Variants in RAD9B observed in about 807,000 individuals in gnomAD.
RAD9B encodes cell cycle checkpoint control protein RAD9B.
In RAD9B, 41 loss-of-function variants were observed where a neutral mutation model predicts 48.3. That is an observed-to-expected ratio of 0.85 (90% CI 0.66 to 1.10). RAD9B has a LOEUF of 1.10. RAD9B is among the 50% of genes least tolerant of loss of function. The pLI is 0.00. For missense variants in RAD9B, 444 were observed against 485.1 expected, an observed-to-expected ratio of 0.92 and a Z score of 0.80; for synonymous variants, 160 against 157.9, an observed-to-expected ratio of 1.01 and a Z score of -0.10.
intron 10 of RAD9B, among the ~76,000 whole-genome samples, chr12:110,528,459 A>G (rs2064014950): frequency 1.3e-5 from 2 of 152,166 alleles, no homozygotes; most frequent in Non-Finnish European, 2.9e-5. Flanking sequence ...GCCGCCCACC[A>G]TCTTCCTCCC....
intron 9 of RAD9B, among the ~76,000 whole-genome samples, chr12:110,521,816 A>C (rs1055084983): frequency 6.6e-6 from 1 of 152,056 alleles, no homozygotes; most frequent in African/African-American, 2.4e-5. Context: ...TTGACCTCCC[A>C]AAGTGTTGGG....
At chr12:110,503,745 G>T in intron 1 of RAD9B, 61 bp from the exon 2 acceptor site, 1 of 1,219,026 alleles carries the variant, frequency 8.2e-7, no homozygotes, top group East Asian at 2.4e-5. Context: ...AACTAGTCTT[G>T]TGATTTGTTT....
rs1019564896 is a variant in RAD9B at position 110,531,465 on chromosome 12, TAC to T, written c.*814_*815del. 12 of 764,484 alleles carry T rather than the reference TAC, an allele frequency of 1.6e-5. 1 individual carries two copies. The African/African-American group carries it at 1.8e-4, about 11-fold the overall frequency. The allele number at this position is 764,484 out of a possible 1,614,324, so 47.4% of individuals were successfully genotyped here. A position where few individuals can be genotyped will look rare whatever the true frequency, so the allele number is the denominator to read the frequency against. ...CCTCGGCCTCCCAAAGTGCTGGGAT[TAC>T]AGACTTGAGCCACTGCGCCCAACCT... On this transcript the variant is annotated 3_prime_UTR_variant, in exon 11 of 11. Transcript: ENST00000409300.
Position 110,519,892 on chromosome 12 carries a change from T to C in RAD9B, c.866T>C (p.Leu289Pro). ...AGTAGAGCATCTTCACCACAGTCAC[T>C]GTGTCTTTCACAGAAACGAAAAAGG... Reference protein sequence around the residue: ...EQSRASSPQSLCLSQKRKRSD... With the variant: ...EQSRASSPQSPCLSQKRKRSD... Residue 289 changes from leucine (L) to proline (P), a missense_variant, in exon 9 of 11, where the codon CTG becomes CCG. Leu to Pro is a moderately conservative substitution (Grantham distance 98, BLOSUM62 -3). Transcript: ENST00000409300. The C allele has an allele frequency of 6.2e-7, 1 of 1,612,418 alleles. No homozygotes were observed. The highest frequency in any genetic ancestry group is 8.5e-7 in the Non-Finnish European group (1 of 1,179,456).
intron 4 of RAD9B, chr12:110,508,219 G>A (rs76072197): frequency 0.02 from 3,400 of 169,320 alleles, 131 homozygotes; most frequent in African/African-American, 0.076. Context: ...TCCTTACTGT[G>A]AAGTGGAGAT....
rs779323828 is a variant in RAD9B, at chr12:110,531,539, G to A, written c.*886G>A. 3.5e-6 allele frequency: 5 copies of A among 1,423,834 alleles called. No homozygotes were observed. The African/African-American group carries it at 4.2e-5, about 12-fold the overall frequency. The allele number at this position is 1,423,834 out of a possible 1,614,324, so 88.2% of individuals were successfully genotyped here. On this transcript the variant is annotated 3_prime_UTR_variant, in exon 11 of 11. Transcript: ENST00000409300. ...AAATTTTATTTCCTAACCTCAAATT[G>A]TTCTGATTTTCAGATGTGATTTTTT...
intron 1 of RAD9B, chr12:110,503,245 C>CA (rs1407450734): frequency 1.9e-3 from 280 of 149,590 alleles, no homozygotes; most frequent in Non-Finnish European, 2.8e-3. Flanking sequence ...GACTCTGTCT[C>CA]AAAAAAAATA....
Position 110,531,076 on chromosome 12 carries a change from T to G in RAD9B, c.*423T>G. 3.0e-6 allele frequency: 3 copies of G among 997,590 alleles called. No homozygotes were observed. The highest frequency in any genetic ancestry group is 3.6e-6 in the Non-Finnish European group (3 of 838,168). The allele number at this position is 997,590 out of a possible 1,614,324, so 61.8% of individuals were successfully genotyped here. A position where few individuals can be genotyped will look rare whatever the true frequency, so the allele number is the denominator to read the frequency against. On this transcript the variant is annotated 3_prime_UTR_variant, in exon 11 of 11. Transcript: ENST00000409300. Reference sequence around the variant, plus strand: ...ATCTTTTGTATTTGATTGCAAACATTTGGATTTTAGTTTTCTCATGTAATA... The same window carrying G: ...ATCTTTTGTATTTGATTGCAAACATGTGGATTTTAGTTTTCTCATGTAATA...
At chr12:110,511,488 A>G (rs549514503) in intron 4 of RAD9B, 89 of 454,114 alleles carry the variant, frequency 2.0e-4, no homozygotes, top group South Asian at 1.3e-3. Context: ...TGGAAAGTCA[A>G]GTATTGCATG....
At chr12:110,524,670 G>A (rs1362562138) in intron 10 of RAD9B, among the ~76,000 whole-genome samples, 1 of 152,042 alleles carries the variant, frequency 6.6e-6, no homozygotes, top group East Asian at 1.9e-4. Context: ...GGGAGGCCGA[G>A]GTGGGCAGAT....
chr12:110,530,587 C>G lies in RAD9B; in HGVS notation c.1188C>G (p.Phe396Leu), dbSNP rs139010052. The G allele has an allele frequency of 6.2e-7, 1 of 1,613,832 alleles. No individual in the cohort carries two copies. ...AGCAAGAACACTTCAACCACCCTTT[C>G]GACAGTCTGGCAAGAGCAAGTGACA... The part of the protein sequence containing the change: ...SDQQEHFNHP[F>L]DSLARASDSE... Residue 396 changes from phenylalanine to leucine, a missense_variant, in exon 11 of 11, where the codon TTC becomes TTG. By Grantham distance (22) the Phe-to-Leu change is conservative (BLOSUM62 0). Coordinates refer to ENST00000409300, the MANE Select transcript of RAD9B (RefSeq NM_001286535.2).
rs886715438 is a variant in RAD9B at position 110,531,388 on chromosome 12, C to T, written c.*735C>T. The T allele has an allele frequency of 2.1e-5, 10 of 482,666 alleles. No homozygotes were observed. Among genetic ancestry groups the T allele is most frequent in the South Asian group, 2.3e-5 (1 of 44,438 alleles). The allele number at this position is 482,666 out of a possible 1,614,324, so 29.9% of individuals were successfully genotyped here. On this transcript the variant is annotated 3_prime_UTR_variant, in exon 11 of 11. Coordinates refer to ENST00000409300, the MANE Select transcript of RAD9B (RefSeq NM_001286535.2). ...CTGGTATTTTGTAGAGACAGGGTTT[C>T]GCCATGTTGGCCAGGGTGGTCTTGA...
chr12:110,516,943 A>G (rs938567618), intron 6 of RAD9B, among the ~76,000 whole-genome samples: 1 of 152,236 alleles, frequency 6.6e-6, no homozygotes, highest in Non-Finnish European at 1.5e-5. Flanking sequence ...ATCCCACTAT[A>G]CAGAGATAAG....
intron 8 of RAD9B, 94 bp downstream of exon 8, chr12:110,519,032 G>A: frequency 1.2e-6 from 1 of 808,198 alleles, no homozygotes; most frequent in Non-Finnish European, 2.0e-6. Flanking sequence ...AACACCTCAG[G>A]AATACCTAAA....
At chr12:110,517,598 T>G (rs2135701480) in intron 6 of RAD9B, among the ~76,000 whole-genome samples, 1 of 151,838 alleles carries the variant, frequency 6.6e-6, no homozygotes, top group Non-Finnish European at 1.5e-5. Context: ...GACTCCAGCT[T>G]GGGCAACAGA....
chr12:110,515,250 T>C, intron 6 of RAD9B, 94 bp downstream of exon 6: 1 of 676,640 alleles, frequency 1.5e-6, no homozygotes, highest in South Asian at 1.9e-5. Flanking sequence ...CATAATTTTA[T>C]TCCTGTCTAA....
intron 10 of RAD9B, among the ~76,000 whole-genome samples, chr12:110,525,106 C>G (rs1275429301): frequency 6.6e-6 from 1 of 152,078 alleles, no homozygotes; most frequent in Non-Finnish European, 1.5e-5. Context: ...CTGCCTCAGC[C>G]TCCTGAGTAG....
chr12:110,530,378 T>A (rs1281812534), intron 10 of RAD9B, 147 bp from the exon 11 acceptor site: 2 of 606,436 alleles, frequency 3.3e-6, no homozygotes, highest in Non-Finnish European at 5.4e-6. Context: ...GGACCAATAA[T>A]GAAGGTTCTG....
chr12:110,508,252 C>G (rs534520043), intron 4 of RAD9B: 1 of 169,318 alleles, frequency 5.9e-6, no homozygotes, highest in African/African-American at 2.4e-5. Flanking sequence ...CCACAAGTTA[C>G]GGGGTGATTG....
Sources: allele counts gnomAD v4.1 joint callset (sites outside exome capture counted in the v4.1 genomes callset), GRCh38; gene constraint gnomAD v4.1.1; transcripts MANE v1.5; gene names NCBI Gene and HGNC (gene_info 2026-07-23, HGNC 2026-07-21).